The following GPR37 variants were observed in gnomAD, a reference collection of about 807,000 sequenced individuals.
GPR37 encodes prosaposin receptor GPR37.
Under a neutral mutation model 43.6 loss-of-function variants are expected in GPR37, and 20 were observed. The observed-to-expected ratio is 0.46, with a 90% CI of 0.32 to 0.67. The LOEUF is 0.67. Among genes scored for constraint, GPR37 ranks in the 30% least tolerant of loss-of-function variants. The pLI, the probability that GPR37 is intolerant of heterozygous loss-of-function variation, is 0.03. For synonymous variants in GPR37, 315 were observed against 322.6 expected, an observed-to-expected ratio of 0.98 and a Z score of 0.25; for missense variants, 724 against 797.2, an observed-to-expected ratio of 0.91 and a Z score of 1.11.
rs1793903378 is a variant in GPR37 at position 124,765,014 on chromosome 7, CTTAG to C, written c.-42_-39del. 7.0e-7 allele frequency: 1 copy of C among 1,428,138 alleles called. No individual in the cohort carries two copies. Among genetic ancestry groups the C allele is most frequent in the Non-Finnish European group, 9.1e-7 (1 of 1,094,356 alleles). The allele number at this position is 1,428,138 out of a possible 1,614,324, so 88.5% of individuals were successfully genotyped here. ...GCACACCCGGCAGCCGCAGCTCCTG[CTTAG>C]TTAGGATCGACACCTGCTGCCGAAG... On this transcript the variant is annotated 5_prime_UTR_variant, in exon 1 of 2. Transcript: ENST00000303921.
chr7:124,758,528 C>A (rs1263323858), intron 1 of GPR37, among the ~76,000 whole-genome samples: 1 of 152,154 alleles, frequency 6.6e-6, no homozygotes. Flanking sequence ...TGAATACAGG[C>A]GTTCTAGGGA....
Position 124,746,646 on chromosome 7 carries a change from T to C in GPR37, c.1721A>G (p.Lys574Arg). 8 of 1,613,932 alleles carry C rather than the reference T, an allele frequency of 5.0e-6. No individual in the cohort carries two copies. Among genetic ancestry groups the C allele is most frequent in the Non-Finnish European group, 6.8e-6 (8 of 1,179,870 alleles). Reference protein sequence around the residue: ...CCCCCEECIQKSSTVTSDDND... With the variant: ...CCCCCEECIQRSSTVTSDDND... ...GTCATCACTGGTCACCGTTGAAGAC[T>C]TCTGAATGCATTCCTCACAGCAACA... The change falls in exon 2 of 2, where the codon AAG (lysine) becomes AGG (arginine). Residue 574 changes from lysine (K) to arginine (R), a missense_variant. Physicochemically the swap from Lys to Arg is conservative, Grantham distance 26. Around this residue, in one of 2 missense-constraint regions of GPR37, gnomAD observed 342 missense variants for 441.8 expected, o/e 0.77. Coordinates refer to ENST00000303921, the MANE Select transcript of GPR37 (RefSeq NM_005302.5).
At chr7:124,750,577 C>T (rs1016464236) in intron 1 of GPR37, among the ~76,000 whole-genome samples, 9 of 152,130 alleles carry the variant, frequency 5.9e-5, no homozygotes, top group Admixed American at 5.9e-4. Context: ...CTATTAATCT[C>T]CCTAGTTTTA....
chr7:124,755,988 T>C (rs1793786897), intron 1 of GPR37, among the ~76,000 whole-genome samples: 1 of 152,240 alleles, frequency 6.6e-6, no homozygotes, highest in African/African-American at 2.4e-5. Flanking sequence ...ATGATTTTAA[T>C]AAAATTGAGA....
chr7:124,756,055 T>A (rs1481604685), intron 1 of GPR37, among the ~76,000 whole-genome samples: 1 of 152,186 alleles, frequency 6.6e-6, no homozygotes, highest in African/African-American at 2.4e-5. Context: ...CTATTGGTAG[T>A]CTGTTAAGGA....
At chr7:124,754,952 G>A (rs12673697) in intron 1 of GPR37, among the ~76,000 whole-genome samples, 2 of 151,770 alleles carry the variant, frequency 1.3e-5, no homozygotes, top group African/African-American at 2.4e-5. Context: ...GAGCACAAGT[G>A]GGGGAACAAG....
At chr7:124,754,174 C>T (rs896164395) in intron 1 of GPR37, among the ~76,000 whole-genome samples, 3 of 152,090 alleles carry the variant, frequency 2.0e-5, no homozygotes, top group Non-Finnish European at 2.9e-5. Flanking sequence ...TTTCCCACTG[C>T]TCAAGTTTCT....
chr7:124,753,231 G>C (rs1793752485), intron 1 of GPR37, among the ~76,000 whole-genome samples: 1 of 151,836 alleles, frequency 6.6e-6, no homozygotes, highest in African/African-American at 2.4e-5. Context: ...TGAATACTAA[G>C]GGCTTAAAAC....
Position 124,746,412 on chromosome 7 carries a change from T to C in GPR37, c.*113A>G. ...TCAGTTCTACAGTAGTTAATATTTCTTTCTTTATTGTTTCTTTTTTGCATT... is the reference window on the plus strand; with the variant it reads ...TCAGTTCTACAGTAGTTAATATTTCCTTCTTTATTGTTTCTTTTTTGCATT... On this transcript the variant is annotated 3_prime_UTR_variant, in exon 2 of 2. Coordinates refer to ENST00000303921, the MANE Select transcript of GPR37 (RefSeq NM_005302.5). 1.3e-6 allele frequency: 1 copy of C among 789,432 alleles called. No individual in the cohort carries two copies. Among genetic ancestry groups the C allele is most frequent in the African/African-American group, 1.7e-5 (1 of 57,660 alleles). The allele number at this position is 789,432 out of a possible 1,614,324, so 48.9% of individuals were successfully genotyped here. A position where few individuals can be genotyped will look rare whatever the true frequency, so the allele number is the denominator to read the frequency against.
chr7:124,746,480 T>C lies in GPR37; in HGVS notation c.*45A>G. 1 of 1,372,036 alleles carries C rather than the reference T, an allele frequency of 7.3e-7. No individual in the cohort carries two copies. Among genetic ancestry groups the C allele is most frequent in the Non-Finnish European group, 9.8e-7 (1 of 1,015,366 alleles). The allele number at this position is 1,372,036 out of a possible 1,614,324, so 85.0% of individuals were successfully genotyped here. The stretch of plus-strand genomic sequence containing the variant: ...ATATGAATTAAAAACTTTCACGGGA[T>C]ATGAAAATCAAACAAATAAATCTGA... On this transcript the variant is annotated 3_prime_UTR_variant, in exon 2 of 2. Transcript: ENST00000303921.
chr7:124,746,703 G>T lies in GPR37; in HGVS notation c.1664C>A (p.Pro555His). ...GCACTCCATGAAGGCCCGACTGAAG[G>T]GTTTGCAGAGACAGAAAAGGAGGAC... Reference protein sequence around the residue: ...TPVLLFCLCKPFSRAFMECCC... With the variant: ...TPVLLFCLCKHFSRAFMECCC... Residue 555 changes from proline (P) to histidine (H), a missense_variant, in exon 2 of 2, where the codon CCC (proline) becomes CAC (histidine). Coordinates refer to ENST00000303921, the MANE Select transcript of GPR37 (RefSeq NM_005302.5). 1 of 1,613,942 alleles carries T rather than the reference G, an allele frequency of 6.2e-7. No individual in the cohort carries two copies. Among genetic ancestry groups the T allele is most frequent in the South Asian group, 1.1e-5 (1 of 91,076 alleles).
chr7:124,762,775 T>G (rs552045679), intron 1 of GPR37, among the ~76,000 whole-genome samples: 1 of 152,206 alleles, frequency 6.6e-6, no homozygotes, highest in Non-Finnish European at 1.5e-5. Flanking sequence ...TCCGTCTAAG[T>G]AGGTACTGTT....
intron 1 of GPR37, among the ~76,000 whole-genome samples, chr7:124,758,234 T>C (rs1388192669): frequency 6.6e-6 from 1 of 152,168 alleles, no homozygotes; most frequent in Admixed American, 6.5e-5. Flanking sequence ...TAAATAAAAG[T>C]GCACTCTAAG....
intron 1 of GPR37, among the ~76,000 whole-genome samples, chr7:124,759,678 T>C (rs1255245831): frequency 1.3e-5 from 2 of 152,162 alleles, no homozygotes; most frequent in African/African-American, 2.4e-5. Context: ...TATTAGGCCA[T>C]AAAGATGTCA....
intron 1 of GPR37, 43 bp from the exon 2 acceptor site, chr7:124,747,386 A>C (rs1793686257): frequency 4.6e-6 from 6 of 1,299,434 alleles, no homozygotes; most frequent in Non-Finnish European, 6.5e-6. Flanking sequence ...GTGTCCCCCG[A>C]AAGATCAAAG....
At chr7:124,754,090 A>G (rs1305411040) in intron 1 of GPR37, among the ~76,000 whole-genome samples, 1 of 152,176 alleles carries the variant, frequency 6.6e-6, no homozygotes, top group African/African-American at 2.4e-5. Flanking sequence ...AAACAGAAAG[A>G]AACTTATAAG....
chr7:124,764,405 C>T lies in GPR37; in HGVS notation c.572G>A (p.Gly191Asp), dbSNP rs1432094086. ...YWPRRAGKLQ[G>D]SHHKPLSKTA... ...CTTGGACAGGGGCTTGTGGTGGGAACCCTGGAGTTTCCCGGCTCTCCTTGG... is the reference window on the plus strand; with the variant it reads ...CTTGGACAGGGGCTTGTGGTGGGAATCCTGGAGTTTCCCGGCTCTCCTTGG... The change falls in exon 1 of 2, where the codon GGT becomes GAT. Residue 191 changes from glycine (G) to aspartate (D), a missense_variant. By Grantham distance (94) the Gly-to-Asp change is moderately conservative (BLOSUM62 -1). Transcript: ENST00000303921. The surrounding 1 kb of genome is among the most constrained non-coding windows in gnomAD (Gnocchi z 5.4). 1 of 1,613,460 alleles carries T rather than the reference C, an allele frequency of 6.2e-7. No homozygotes were observed. Among genetic ancestry groups the T allele is most frequent in the African/African-American group, 1.3e-5 (1 of 74,928 alleles).
Position 124,765,386 on chromosome 7 carries a change from C to T in GPR37, c.-410G>A, listed in dbSNP as rs1584728895. ...GTGGTGGCCTTCTTGGTAACAGTTG[C>T]TCTGCCTATTTACATCCTTTCGACA... is the stretch of plus-strand genomic sequence containing the variant. On this transcript the variant is annotated 5_prime_UTR_variant, in exon 1 of 2. Coordinates refer to ENST00000303921, the MANE Select transcript of GPR37 (RefSeq NM_005302.5). The T allele has an allele frequency of 1.1e-5, 2 of 180,128 alleles. No homozygotes were observed. Among genetic ancestry groups the T allele is most frequent in the East Asian group, 2.8e-4 (2 of 7,048 alleles). The allele number at this position is 180,128 out of a possible 1,614,324, so 11.2% of individuals were successfully genotyped here. A position where few individuals can be genotyped will look rare whatever the true frequency, so the allele number is the denominator to read the frequency against.
chr7:124,747,256 C>T lies in GPR37; in HGVS notation c.1111G>A (p.Glu371Lys), dbSNP rs760627268. Reference sequence around the variant, plus strand: ...GTTGAGGAACAGTTTTCGATCATTTCGTAGTACATCTGTACGTTGGTGGCA... The same window carrying T: ...GTTGAGGAACAGTTTTCGATCATTTTGTAGTACATCTGTACGTTGGTGGCA... ...RAATNVQMYY[E>K]MIENCSSTTA... The change falls in exon 2 of 2, where the codon GAA (glutamate) becomes AAA (lysine). Residue 371 changes from glutamate to lysine, a missense_variant. Around this residue, in one of 2 missense-constraint regions of GPR37, gnomAD observed 342 missense variants for 441.8 expected, o/e 0.77. Transcript: ENST00000303921. 6.8e-6 allele frequency: 11 copies of T among 1,613,732 alleles called. No homozygotes were observed. Among genetic ancestry groups the T allele is most frequent in the African/African-American group, 1.3e-5 (1 of 74,866 alleles).
Sources: allele counts gnomAD v4.1 joint callset (sites outside exome capture counted in the v4.1 genomes callset), GRCh38; gene constraint gnomAD v4.1.1; regional missense constraint gnomAD v4.1.1; non-coding constraint Gnocchi (gnomAD v3.1); transcripts MANE v1.5; gene names NCBI Gene and HGNC (gene_info 2026-07-23, HGNC 2026-07-21).